Variants in EPHA3 observed in about 807,000 individuals in gnomAD.
The protein encoded by EPHA3 is EPH receptor A3.
In EPHA3, 42 loss-of-function variants were observed where a neutral mutation model predicts 107.1. The ratio of observed to expected loss-of-function variants is 0.39; its 90% CI spans 0.31 to 0.51. EPHA3 has a LOEUF of 0.51. EPHA3 is among the 20% of genes least tolerant of loss of function. The pLI, the probability that EPHA3 is intolerant of heterozygous loss-of-function variation, is 0.78. For synonymous variants in EPHA3, 461 were observed against 424.8 expected, an observed-to-expected ratio of 1.09 and a Z score of -1.05; for missense variants, 1,183 against 1,211.2, an observed-to-expected ratio of 0.98 and a Z score of 0.35.
intron 5 of EPHA3, among the ~76,000 whole-genome samples, chr3:89,365,778 G>A (rs146743479): frequency 1.0e-4 from 15 of 150,678 alleles, no homozygotes; most frequent in East Asian, 2.0e-4. Context: ...TCCTTGAATA[G>A]GGTCTCTGCC....
intron 3 of EPHA3, among the ~76,000 whole-genome samples, chr3:89,268,165 G>T (rs17800551): frequency 0.22 from 33,328 of 152,006 alleles, 3,980 homozygotes; most frequent in Non-Finnish European, 0.27. Flanking sequence ...GCATTTAAAT[G>T]CCAAAAGAAA....
intron 3 of EPHA3, among the ~76,000 whole-genome samples, chr3:89,278,873 C>T (rs1345491849): frequency 6.6e-6 from 1 of 152,110 alleles, no homozygotes; most frequent in African/African-American, 2.4e-5. Context: ...CTCTAAGTGC[C>T]TCATGCTGGG....
chr3:89,125,627 A>C (rs1559742224), intron 1 of EPHA3, among the ~76,000 whole-genome samples: 1 of 151,774 alleles, frequency 6.6e-6, no homozygotes, highest in Non-Finnish European at 1.5e-5. Context: ...AAATACAATT[A>C]CTTCTAATTA....
chr3:89,233,627 G>T (rs1445363961), intron 3 of EPHA3, among the ~76,000 whole-genome samples: 1 of 151,962 alleles, frequency 6.6e-6, no homozygotes, highest in Non-Finnish European at 1.5e-5. Context: ...AAATTATATC[G>T]GTTCCTCAAT....
At chr3:89,258,267 G>C (rs1456113817) in intron 3 of EPHA3, among the ~76,000 whole-genome samples, 1 of 152,212 alleles carries the variant, frequency 6.6e-6, no homozygotes, top group African/African-American at 2.4e-5. Context: ...GTCCAGGATA[G>C]GGATGACGAG....
Position 89,481,345 on chromosome 3 carries a change from G to A in EPHA3, c.*1843G>A. The A allele has an allele frequency of 4.3e-6, 1 of 231,954 alleles. No homozygotes were observed. Among genetic ancestry groups the A allele is most frequent in the Non-Finnish European group, 8.5e-6 (1 of 117,338 alleles). 14.4% of individuals were successfully genotyped at this position (231,954 alleles called of 1,614,324 possible). A position where few individuals can be genotyped will look rare whatever the true frequency, so the allele number is the denominator to read the frequency against. On this transcript the variant is annotated 3_prime_UTR_variant, in exon 17 of 17. Transcript: ENST00000336596. ...AGAATTCTGTATTGGATATATAAGA[G>A]CATGAAATTTTTAAAAATACACTTG... is the stretch of plus-strand genomic sequence containing the variant.
At chr3:89,283,402 AC>A (rs1705995423) in intron 3 of EPHA3, among the ~76,000 whole-genome samples, 1 of 152,130 alleles carries the variant, frequency 6.6e-6, no homozygotes, top group African/African-American at 2.4e-5. Context: ...ATAGAAAGTA[AC>A]AAAATGGAGT....
chr3:89,161,024 A>G (rs1576194111), intron 2 of EPHA3, among the ~76,000 whole-genome samples: 1 of 152,290 alleles, frequency 6.6e-6, no homozygotes, highest in Admixed American at 6.5e-5. Context: ...AATTAGCAGT[A>G]AGTCCACTAG....
intron 3 of EPHA3, among the ~76,000 whole-genome samples, chr3:89,262,984 T>G (rs1705455519): frequency 7.2e-6 from 1 of 139,222 alleles, no homozygotes; most frequent in Non-Finnish European, 1.5e-5. Flanking sequence ...TTTTTTTTTT[T>G]TTTTTTAATT....
At chr3:89,306,124 C>T (rs1230686914) in intron 3 of EPHA3, among the ~76,000 whole-genome samples, 1 of 152,006 alleles carries the variant, frequency 6.6e-6, no homozygotes. Flanking sequence ...GTTCTCAGTA[C>T]CTTAAATTTA....
In EPHA3 at chr3:89,472,448, GT is replaced by G. The variant is rs201597924; in HGVS notation, c.2691-8del. On this transcript the variant is annotated splice_polypyrimidine_tract_variant and intron_variant, in intron 15 of 16. Coordinates refer to ENST00000336596, the MANE Select transcript of EPHA3 (RefSeq NM_005233.6). ...GACTCCTGATCTGTCTCCCTTTGGT[GT>G]TTTTTTTCTTGCAGGCCATCAAACC... The G allele has an allele frequency of 8.1e-6, 13 of 1,601,680 alleles. No individual in the cohort carries two copies. Among genetic ancestry groups the G allele is most frequent in the African/African-American group, 1.4e-5 (1 of 72,412 alleles).
At chr3:89,360,230 T>C (rs545664631) in intron 5 of EPHA3, among the ~76,000 whole-genome samples, 4 of 151,022 alleles carry the variant, frequency 2.6e-5, no homozygotes, top group African/African-American at 9.7e-5. Context: ...TGGTTTTGTT[T>C]TGCTCTGAAA....
intron 3 of EPHA3, among the ~76,000 whole-genome samples, chr3:89,227,239 G>T (rs181744216): frequency 2.9e-4 from 44 of 151,788 alleles, no homozygotes; most frequent in African/African-American, 1.0e-3. Context: ...TCTCACATTG[G>T]GAAACATATT....
rs1188698341 is a variant in EPHA3, at chr3:89,238,309, A to G, written c.814+27789A>G. ...GTTCAACATGCTCTGCCAAAAACCA[A>G]CACAAAAATATTATATAATCATCTC... On this transcript the variant is annotated intron_variant, in intron 3 of 16. Coordinates refer to ENST00000336596, the MANE Select transcript of EPHA3 (RefSeq NM_005233.6). Among the ~76,000 whole-genome samples, 4 of 152,200 alleles carry G rather than the reference A, an allele frequency of 2.6e-5. No individual in the cohort carries two copies. In the East Asian group the frequency reaches 5.8e-4, roughly 22 times the overall value.
chr3:89,157,848 C>T (rs574399333), intron 2 of EPHA3, among the ~76,000 whole-genome samples: 3 of 147,218 alleles, frequency 2.0e-5, no homozygotes, highest in East Asian at 2.0e-4. Context: ...TAGTAACACT[C>T]GCTATGAAGA....
intron 15 of EPHA3, among the ~76,000 whole-genome samples, chr3:89,467,397 C>T (rs748124823): frequency 6.6e-6 from 1 of 152,076 alleles, no homozygotes; most frequent in Non-Finnish European, 1.5e-5. Flanking sequence ...AATGTTATTA[C>T]CTCCTTGTAG....
intron 4 of EPHA3, among the ~76,000 whole-genome samples, chr3:89,341,477 A>G (rs1017932701): frequency 1.3e-5 from 2 of 152,214 alleles, no homozygotes; most frequent in African/African-American, 4.8e-5. Context: ...TTTCATAACT[A>G]TTCACAAGGG....
In EPHA3 at chr3:89,107,851, G is replaced by C. The variant is rs763368238; in HGVS notation, c.88+15G>C. ...TTCCAATGAAGGTAAGCCAGGTACC[G>C]CGACGCACGGAGCTCTGCCCCGCGG... is the stretch of plus-strand genomic sequence containing the variant. On this transcript the variant is annotated intron_variant, in intron 1 of 16. Transcript: ENST00000336596. The C allele has an allele frequency of 3.0e-5, 49 of 1,612,244 alleles. No homozygotes were observed. The highest frequency in any genetic ancestry group is 8.3e-5 in the Admixed American group (5 of 59,982).
At chr3:89,119,851 T>A (rs1331934633) in intron 1 of EPHA3, among the ~76,000 whole-genome samples, 2 of 152,174 alleles carry the variant, frequency 1.3e-5, no homozygotes, top group East Asian at 3.9e-4. Flanking sequence ...ACATTCTTTG[T>A]TTCCTATGCT....
Sources: gnomAD v4.1 joint callset for allele counts (sites outside exome capture counted in the v4.1 genomes callset) on GRCh38, gnomAD v4.1.1 for gene constraint, MANE v1.5 for transcripts, NCBI Gene and HGNC (gene_info 2026-07-23, HGNC 2026-07-21) for gene names.